ERBB4: variants seen among roughly 807,000 people sequenced by gnomAD.
ERBB4 encodes receptor tyrosine-protein kinase erbB-4.
ERBB4 carries 42 observed loss-of-function variants against 158.0 expected under a neutral mutation model. The ratio of observed to expected loss-of-function variants is 0.27; its 90% CI spans 0.21 to 0.34. The LOEUF (loss-of-function observed/expected upper bound fraction) is 0.34, where lower values mean the gene tolerates loss of function less well. Among genes scored for constraint, ERBB4 ranks in the 10% least tolerant of loss-of-function variants. ERBB4 has a pLI of 1.00. For missense variants in ERBB4, 1,333 were observed against 1,624.1 expected, an observed-to-expected ratio of 0.82 and a Z score of 3.08; for synonymous variants, 583 against 558.7, an observed-to-expected ratio of 1.04 and a Z score of -0.61.
At chr2:212,209,987 A>G (rs968043967) in intron 1 of ERBB4, among the ~76,000 whole-genome samples, 3 of 152,000 alleles carry the variant, frequency 2.0e-5, no homozygotes, top group African/African-American at 7.2e-5. Flanking sequence ...ATGGAGATAG[A>G]ATAGGTAGAA....
At chr2:212,392,352 A>C (rs969148219) in intron 1 of ERBB4, among the ~76,000 whole-genome samples, 1 of 152,050 alleles carries the variant, frequency 6.6e-6, no homozygotes, top group African/African-American at 2.4e-5. Flanking sequence ...CAAGAGGGAA[A>C]TGTAACATGG....
intron 19 of ERBB4, among the ~76,000 whole-genome samples, chr2:211,570,875 T>C (rs928122705): frequency 2.0e-5 from 3 of 152,044 alleles, no homozygotes; most frequent in African/African-American, 2.4e-5. Flanking sequence ...GAAAATGTCA[T>C]CAAATACCTC....
intron 1 of ERBB4, among the ~76,000 whole-genome samples, chr2:212,143,725 T>C (rs1426906916): frequency 6.6e-6 from 1 of 152,080 alleles, no homozygotes. Context: ...CCAATGGAAG[T>C]TAATTAGATC....
chr2:211,503,889 C>T lies in ERBB4; in HGVS notation c.2487+58014G>A, dbSNP rs200158704. Among the ~76,000 whole-genome samples the T allele has an allele frequency of 3.9e-5, 6 of 152,094 alleles. No individual in the cohort carries two copies. In the East Asian group the frequency reaches 1.2e-3, roughly 29 times the overall value. On this transcript the variant is annotated intron_variant, in intron 20 of 27. Coordinates refer to ENST00000342788, the MANE Select transcript of ERBB4 (RefSeq NM_005235.3). ...AGTGCTTGCACATGCCTTAGAGAGC[C>T]TGGTTGCAGGATTGCTAGATTGATC...
intron 17 of ERBB4, 125 bp downstream of exon 17, chr2:211,630,337 A>G: frequency 1.8e-6 from 2 of 1,123,444 alleles, no homozygotes; most frequent in Non-Finnish European, 1.3e-6. Context: ...ACGGACTATA[A>G]AATAAAAAAC....
intron 2 of ERBB4, among the ~76,000 whole-genome samples, chr2:212,085,341 ATT>A (rs1432097356): frequency 6.6e-6 from 1 of 152,060 alleles, no homozygotes; most frequent in East Asian, 1.9e-4. Context: ...CATGTGTATT[ATT>A]TTGTTTCATG....
intron 2 of ERBB4, among the ~76,000 whole-genome samples, chr2:211,973,205 C>CTTTT (rs746336887): frequency 2.2e-5 from 2 of 91,012 alleles, no homozygotes; most frequent in Non-Finnish European, 3.1e-5. Context: ...AGAGAAATTC[C>CTTTT]TTTTTTTCTT....
At chr2:211,729,782 T>C (rs1377164252) in intron 5 of ERBB4, among the ~76,000 whole-genome samples, 2 of 151,982 alleles carry the variant, frequency 1.3e-5, no homozygotes, top group African/African-American at 4.8e-5. Context: ...TGGTTTTTAT[T>C]AATTCCATCC....
chr2:211,893,119 A>ACC (rs1440195973), intron 3 of ERBB4, among the ~76,000 whole-genome samples: 1 of 146,138 alleles, frequency 6.8e-6, no homozygotes, highest in Non-Finnish European at 1.5e-5. Context: ...CTAAGCCAAA[A>ACC]GAACAAAGCT....
chr2:211,804,634 T>A (rs180807443), intron 3 of ERBB4, among the ~76,000 whole-genome samples: 127 of 151,720 alleles, frequency 8.4e-4, no homozygotes, highest in African/African-American at 3.0e-3. Flanking sequence ...CATTGTGGGG[T>A]TTTTTAATGC....
intron 2 of ERBB4, among the ~76,000 whole-genome samples, chr2:211,973,914 A>C (rs1435128288): frequency 1.3e-5 from 2 of 151,946 alleles, no homozygotes; most frequent in Non-Finnish European, 2.9e-5. Context: ...AAAAGAATAA[A>C]GTCATGTCCT....
At chr2:211,938,049 C>T (rs1041568676) in intron 3 of ERBB4, among the ~76,000 whole-genome samples, 2 of 151,988 alleles carry the variant, frequency 1.3e-5, no homozygotes, top group Admixed American at 1.3e-4. Flanking sequence ...ATGGTTAAGG[C>T]CCAAATCAAA....
intron 3 of ERBB4, among the ~76,000 whole-genome samples, chr2:211,852,321 T>C (rs572364728): frequency 6.6e-6 from 1 of 151,968 alleles, no homozygotes; most frequent in African/African-American, 2.4e-5. Context: ...CATTTTAATA[T>C]AGAAAAAGAT....
chr2:211,680,154 T>C (rs183562252), intron 12 of ERBB4, among the ~76,000 whole-genome samples: 1 of 152,212 alleles, frequency 6.6e-6, no homozygotes, highest in East Asian at 1.9e-4. Flanking sequence ...GTTATCTCTA[T>C]GTTATCTCTA....
Position 211,383,387 on chromosome 2 carries a change from A to G in ERBB4, c.*228T>C, listed in dbSNP as rs1472979424. On this transcript the variant is annotated 3_prime_UTR_variant, in exon 28 of 28. Coordinates refer to ENST00000342788, the MANE Select transcript of ERBB4 (RefSeq NM_005235.3). ...GCTGTTTCATTCTCCTGACCAACCC[A>G]TGCAGAGAAATGAAGAAACATTGTG... The G allele has an allele frequency of 1.3e-5, 7 of 558,360 alleles. No individual in the cohort carries two copies. The East Asian group carries it at 2.1e-4, about 17-fold the overall frequency. 34.6% of individuals were successfully genotyped at this position (558,360 alleles called of 1,614,324 possible). A position where few individuals can be genotyped will look rare whatever the true frequency, so the allele number is the denominator to read the frequency against.
At chr2:212,028,374 T>C (rs73988945) in intron 2 of ERBB4, among the ~76,000 whole-genome samples, 14,409 of 152,178 alleles carry the variant, frequency 0.095, 766 homozygotes, top group Middle Eastern at 0.13. Flanking sequence ...CTTGTAAATG[T>C]CCCCGCCTGG....
At chr2:211,777,534 A>G (rs1043586748) in intron 4 of ERBB4, 1 of 152,214 alleles carries the variant, frequency 6.6e-6, no homozygotes, top group Non-Finnish European at 1.5e-5. Context: ...AGAAATTAGC[A>G]TGGTTGACAC....
chr2:212,246,140 C>T (rs997007347), intron 1 of ERBB4, among the ~76,000 whole-genome samples: 1 of 152,166 alleles, frequency 6.6e-6, no homozygotes, highest in African/African-American at 2.4e-5. Flanking sequence ...TTCTCTTAAT[C>T]CCATGCTCTG....
chr2:211,884,489 T>C (rs1038996204), intron 3 of ERBB4, among the ~76,000 whole-genome samples: 1 of 152,168 alleles, frequency 6.6e-6, no homozygotes, highest in Non-Finnish European at 1.5e-5. Flanking sequence ...TGTTCTTTTG[T>C]TCAAGCTAAG....
Sources: allele counts gnomAD v4.1 joint callset (sites outside exome capture counted in the v4.1 genomes callset), GRCh38; gene constraint gnomAD v4.1.1; transcripts MANE v1.5; gene names NCBI Gene and HGNC (gene_info 2026-07-23, HGNC 2026-07-21).